Variants in CFAP54 observed in about 807,000 individuals in gnomAD.
CFAP54 encodes cilia and flagella associated protein 54, also known as cilia- and flagella-associated protein 54.
A neutral mutation model predicts 370.4 loss-of-function variants in CFAP54; 290 were observed. The ratio of observed to expected loss-of-function variants is 0.78; its 90% CI spans 0.71 to 0.86. The LOEUF is 0.86. Among genes scored for constraint, CFAP54 ranks in the 40% least tolerant of loss-of-function variants. The pLI, the probability that CFAP54 is intolerant of heterozygous loss-of-function variation, is 0.00. For missense variants in CFAP54, 3,399 were observed against 3,528.7 expected (o/e 0.96, Z 0.93); for synonymous variants, 1,206 against 1,236.5 (o/e 0.98, Z 0.52).
intron 60 of CFAP54, among the ~76,000 whole-genome samples, chr12:96,777,155 A>G (rs1202903027): frequency 6.6e-6 from 1 of 152,148 alleles, no homozygotes; most frequent in East Asian, 1.9e-4. Context: ...AAAAAAAAGT[A>G]AAAGTGCTCA....
chr12:96,815,883 G>A (rs1287364075), intron 64 of CFAP54, among the ~76,000 whole-genome samples: 1 of 152,092 alleles, frequency 6.6e-6, no homozygotes, highest in African/African-American at 2.4e-5. Context: ...GATGTGTGGT[G>A]TTATTTCTGG....
chr12:96,623,336 A>G lies in CFAP54; in HGVS notation c.3772-431A>G, dbSNP rs1014037260. 3.3e-5 allele frequency among the ~76,000 whole-genome samples: 5 copies of G among 152,304 alleles called. No individual in the cohort carries two copies. The South Asian group carries it at 8.3e-4, about 25-fold the overall frequency. Reference sequence around the variant, plus strand: ...TTAAGTTTCAATGAAAGGCAAAGTAACAAAGGCAATTAGCTTAGTTGTAAA... The same window carrying G: ...TTAAGTTTCAATGAAAGGCAAAGTAGCAAAGGCAATTAGCTTAGTTGTAAA... On this transcript the variant is annotated intron_variant, in intron 27 of 67. Transcript: ENST00000524981.
intron 17 of CFAP54, among the ~76,000 whole-genome samples, chr12:96,558,927 G>A (rs912535740): frequency 2.0e-5 from 3 of 152,084 alleles, no homozygotes; most frequent in Non-Finnish European, 2.9e-5. Context: ...TACAATCAGC[G>A]AAGTAAGGCT....
intron 39 of CFAP54, among the ~76,000 whole-genome samples, chr12:96,672,273 A>G (rs1484136335): frequency 1.3e-5 from 2 of 152,206 alleles, no homozygotes; most frequent in African/African-American, 4.8e-5. Context: ...GATTATGCTT[A>G]GACAGGAGGG....
intron 3 of CFAP54, among the ~76,000 whole-genome samples, 193 bp downstream of exon 3, chr12:96,504,222 T>G (rs1054532603): frequency 1.3e-5 from 2 of 152,234 alleles, no homozygotes; most frequent in African/African-American, 4.8e-5. Flanking sequence ...CTTTGGAGAT[T>G]AAGTCACTGC....
intron 33 of CFAP54, 144 bp from the exon 34 acceptor site, chr12:96,647,731 G>A (rs1956812271): frequency 4.7e-6 from 3 of 643,740 alleles, no homozygotes; most frequent in Admixed American, 4.1e-5. Context: ...AAAATGTTGG[G>A]CTTTGATTAA....
chr12:96,622,156 C>T (rs140655577), intron 27 of CFAP54, among the ~76,000 whole-genome samples: 1 of 152,002 alleles, frequency 6.6e-6, no homozygotes, highest in African/African-American at 2.4e-5. Flanking sequence ...CTCTTTGTGA[C>T]ACCCGTGTTC....
chr12:96,838,765 A>G (rs1036134141), intron 66 of CFAP54, among the ~76,000 whole-genome samples: 4 of 152,190 alleles, frequency 2.6e-5, no homozygotes, highest in Non-Finnish European at 5.9e-5. Flanking sequence ...AGAGTCCTTG[A>G]CCCAAAAAGG....
intron 58 of CFAP54, 107 bp downstream of exon 58, chr12:96,757,695 G>A (rs891537941): frequency 1.8e-6 from 1 of 552,374 alleles, no homozygotes; most frequent in Non-Finnish European, 3.1e-6. Context: ...GTGTGGCTTG[G>A]AGAAATTAAT....
intron 32 of CFAP54, among the ~76,000 whole-genome samples, chr12:96,632,162 C>T (rs964463531): frequency 4.6e-5 from 7 of 151,816 alleles, no homozygotes; most frequent in East Asian, 1.9e-4. Flanking sequence ...TGTTTGTATC[C>T]GTTGCACATT....
chr12:96,859,352 T>G (rs1483271734), intron 66 of CFAP54, among the ~76,000 whole-genome samples: 1 of 152,200 alleles, frequency 6.6e-6, no homozygotes, highest in African/African-American at 2.4e-5. Context: ...TGGTGAGGTC[T>G]GAATTTGAAA....
chr12:96,491,488 A>AGT lies in CFAP54; in HGVS notation c.317+1571_317+1572dup, dbSNP rs1164650345. The stretch of plus-strand genomic sequence containing the variant: ...ATGACACTTGATGAATAGCTAAGGG[A>AGT]GTGTGTGTGTAAATGGAGAAGGGAA... On this transcript the variant is annotated intron_variant, in intron 1 of 67. Coordinates refer to ENST00000524981, the MANE Select transcript of CFAP54 (RefSeq NM_001306084.2). 3.9e-5 allele frequency among the ~76,000 whole-genome samples: 6 copies of AGT among 152,168 alleles called. No individual in the cohort carries two copies. In the South Asian group the frequency reaches 8.3e-4, roughly 21 times the overall value.
At chr12:96,767,709 G>T (rs1002697128) in intron 60 of CFAP54, among the ~76,000 whole-genome samples, 9 of 152,010 alleles carry the variant, frequency 5.9e-5, no homozygotes, top group African/African-American at 2.2e-4. Flanking sequence ...TGGCAATGAG[G>T]TTCATATTAT....
At chr12:96,554,839 A>G (rs1419481596) in intron 17 of CFAP54, 37 bp downstream of exon 17, 2 of 1,502,292 alleles carry the variant, frequency 1.3e-6, no homozygotes, top group African/African-American at 1.4e-5. Flanking sequence ...TTCTGAATCA[A>G]TTTTAAGCCA....
At chr12:96,560,882 T>A (rs1312611309) in intron 17 of CFAP54, among the ~76,000 whole-genome samples, 1 of 152,202 alleles carries the variant, frequency 6.6e-6, no homozygotes. Context: ...ATTACAGTGG[T>A]TGTACGTGAT....
rs1370253565 is a variant in CFAP54, at chr12:96,493,838, G to T, written c.317+3912G>T. On this transcript the variant is annotated intron_variant, in intron 1 of 67. Coordinates refer to ENST00000524981, the MANE Select transcript of CFAP54 (RefSeq NM_001306084.2). ...AAAACAAAACAAAGAAATGATAAAT[G>T]CTAGAGAGAAAAAGAAGATAATCTA... Among the ~76,000 whole-genome samples the T allele has an allele frequency of 3.3e-5, 5 of 152,008 alleles. No individual in the cohort carries two copies. In the East Asian group the frequency reaches 9.6e-4, roughly 29 times the overall value.
chr12:96,870,689 G>T (rs1032197989), intron 67 of CFAP54, among the ~76,000 whole-genome samples: 1 of 152,040 alleles, frequency 6.6e-6, no homozygotes. Flanking sequence ...GGTTTGGTTT[G>T]GTTTTTTTAT....
At chr12:96,555,874 A>AT (rs1003787482) in intron 17 of CFAP54, among the ~76,000 whole-genome samples, 7 of 151,866 alleles carry the variant, frequency 4.6e-5, no homozygotes, top group African/African-American at 1.4e-4. Flanking sequence ...TTCCAGTAGG[A>AT]TTTTTTTGGG....
intron 56 of CFAP54, 48 bp downstream of exon 56, chr12:96,753,946 T>G (rs991911656): frequency 4.4e-6 from 7 of 1,573,426 alleles, no homozygotes; most frequent in Non-Finnish European, 5.2e-6. Flanking sequence ...ATGGAATTCT[T>G]TTTTCTGTCA....
Sources: allele counts gnomAD v4.1 joint callset (sites outside exome capture counted in the v4.1 genomes callset), GRCh38; gene constraint gnomAD v4.1.1; transcripts MANE v1.5; gene names NCBI Gene and HGNC (gene_info 2026-07-23, HGNC 2026-07-21).